PIP5KL1: variants seen among roughly 807,000 people sequenced by gnomAD.
PIP5KL1 encodes phosphatidylinositol-4-phosphate 5-kinase like 1, also known as phosphatidylinositol 4-phosphate 5-kinase-like protein 1.
Under a neutral mutation model 47.6 loss-of-function variants are expected in PIP5KL1, and 45 were observed. That is an observed-to-expected ratio of 0.94 (90% CI 0.74 to 1.21). The LOEUF is 1.21. Among genes scored for constraint, PIP5KL1 ranks in the 50% most tolerant of loss-of-function variants. The pLI, the probability that PIP5KL1 is intolerant of heterozygous loss-of-function variation, is 0.00. For missense variants in PIP5KL1, 577 were observed against 547.6 expected, an observed-to-expected ratio of 1.05 and a Z score of -0.54; for synonymous variants, 256 against 234.6, an observed-to-expected ratio of 1.09 and a Z score of -0.84.
chr9:127,924,563 G>A (rs1164941566), intron 9 of PIP5KL1, among the ~76,000 whole-genome samples: 5 of 151,098 alleles, frequency 3.3e-5, no homozygotes, highest in Non-Finnish European at 4.4e-5. Flanking sequence ...GGATGAGGCA[G>A]GAGAATCGCT....
At position 127,921,965 on chromosome 9, in the gene PIP5KL1, C is replaced by T; in HGVS notation, c.1067G>A (p.Arg356His). ...CTTCCACAGGTGCTCCAGCCGCTTG[C>T]GGAGCCCGTAGACTGTGGCGAGATC... The part of the protein sequence containing the change: ...VVDLATVYGL[R>H]KRLEHLWKTL... The change falls in exon 10 of 10, where the codon CGC (arginine) becomes CAC (histidine). Residue 356 changes from arginine to histidine, a missense_variant. Coordinates refer to ENST00000388747, the MANE Select transcript of PIP5KL1 (RefSeq NM_001135219.2). The T allele has an allele frequency of 1.3e-6, 2 of 1,576,428 alleles. No homozygotes were observed. Among genetic ancestry groups the T allele is most frequent in the East Asian group, 2.4e-5 (1 of 42,430 alleles).
chr9:127,924,605 G>A (rs995816551), intron 9 of PIP5KL1, among the ~76,000 whole-genome samples: 8 of 148,056 alleles, frequency 5.4e-5, no homozygotes, highest in African/African-American at 1.0e-4. Flanking sequence ...GCAGTGAGCC[G>A]AGAGGGCACC....
In PIP5KL1 at chr9:127,928,103, G is replaced by A. The variant is rs1368556885; in HGVS notation, c.396C>T (p.Phe132=). Residue 132 remains phenylalanine (F), a synonymous_variant, in exon 4 of 10, where the codon TTC becomes TTT. Transcript: ENST00000388747. ...ALGPGGPYLQ[F]LSTSKSKASF... Reference sequence around the variant, plus strand: ...TGGCCTTGCTCTTGGAGGTGCTGAGGAACTGCAGGTAGGGGCCGCCGGGGC... The same window carrying A: ...TGGCCTTGCTCTTGGAGGTGCTGAGAAACTGCAGGTAGGGGCCGCCGGGGC... 10 of 1,573,574 alleles carry A rather than the reference G, an allele frequency of 6.4e-6. No homozygotes were observed. Among genetic ancestry groups the A allele is most frequent in the Non-Finnish European group, 8.6e-6 (10 of 1,161,358 alleles).
At position 127,927,006 on chromosome 9, in the gene PIP5KL1, G is replaced by T; in HGVS notation, c.650+147C>A. On this transcript the variant is annotated intron_variant, in intron 7 of 9. Coordinates refer to ENST00000388747, the MANE Select transcript of PIP5KL1 (RefSeq NM_001135219.2). This position sits in a 1 kb window ranked among gnomAD's most constrained non-coding sequence, Gnocchi z 5.5. ...TGAGTGCTCCAGAGATGCTGGGTGT[G>T]GGCGTCACTGTCTCTGACCCACCAG... is the stretch of plus-strand genomic sequence containing the variant. 2 of 922,118 alleles carry T rather than the reference G, an allele frequency of 2.2e-6. No individual in the cohort carries two copies. Among genetic ancestry groups the T allele is most frequent in the Non-Finnish European group, 3.2e-6 (2 of 621,648 alleles). The allele number at this position is 922,118 out of a possible 1,614,324, so 57.1% of individuals were successfully genotyped here.
Position 127,921,803 on chromosome 9 carries a change from C to G in PIP5KL1, c.*44G>C. 6.5e-7 allele frequency: 1 copy of G among 1,534,572 alleles called. No homozygotes were observed. Among genetic ancestry groups the G allele is most frequent in the East Asian group, 2.4e-5 (1 of 41,684 alleles). ...GGCCCGGGGGAACCGGCGTTCCTGG[C>G]GTGAGCCCATCGTCCAGATCCGGAG... On this transcript the variant is annotated 3_prime_UTR_variant, in exon 10 of 10. Coordinates refer to ENST00000388747, the MANE Select transcript of PIP5KL1 (RefSeq NM_001135219.2).
In PIP5KL1 at chr9:127,921,776, C is replaced by T; in HGVS notation, c.*71G>A. On this transcript the variant is annotated 3_prime_UTR_variant, in exon 10 of 10. Transcript: ENST00000388747. ...CAGGAGGAAGCGCAGGCGAGATGCC[C>T]GGGCCCGGGGGAACCGGCGTTCCTG... is the stretch of plus-strand genomic sequence containing the variant. 1 of 1,483,650 alleles carries T rather than the reference C, an allele frequency of 6.7e-7. No individual in the cohort carries two copies. Among genetic ancestry groups the T allele is most frequent in the Non-Finnish European group, 8.9e-7 (1 of 1,117,588 alleles). The allele number at this position is 1,483,650 out of a possible 1,614,324, so 91.9% of individuals were successfully genotyped here.
chr9:127,929,899 G>A lies in PIP5KL1; in HGVS notation c.31-14C>T, dbSNP rs1483457726. ...GGGGGCCAGGACCTGGTGGGAGGAG[G>A]CACAGGACACAGCCTGTGGCAGCGT... On this transcript the variant is annotated splice_polypyrimidine_tract_variant and intron_variant, in intron 1 of 9. Coordinates refer to ENST00000388747, the MANE Select transcript of PIP5KL1 (RefSeq NM_001135219.2). The surrounding 1 kb of genome is among the most constrained non-coding windows in gnomAD (Gnocchi z 4.0). The A allele has an allele frequency of 2.6e-6, 4 of 1,511,918 alleles. 1 individual carries two copies. In the South Asian group the frequency reaches 3.6e-5, roughly 14 times the overall value. The allele number at this position is 1,511,918 out of a possible 1,614,324, so 93.7% of individuals were successfully genotyped here.
In PIP5KL1 at chr9:127,922,707, A is replaced by AAAAG. The variant is rs1554720842; in HGVS notation, c.918-594_918-593insCTTT. 8.1e-3 allele frequency among the ~76,000 whole-genome samples: 1,169 copies of AAAAG among 143,672 alleles called. 16 individuals carry two copies. Among genetic ancestry groups the AAAAG allele is most frequent in the Non-Finnish European group, 0.012 (832 of 67,222 alleles). The allele number at this position is 143,672 out of a possible 152,430, so 94.3% of individuals were successfully genotyped here. A position where few individuals can be genotyped will look rare whatever the true frequency, so the allele number is the denominator to read the frequency against. ...GAGACTCTGTCTCAAAAAAAAAAAAAAAAAGAAAAAAGAAAAAGAAAAAAG... is the reference window on the plus strand; with the variant it reads ...GAGACTCTGTCTCAAAAAAAAAAAAAAAAGAAAAGAAAAAAGAAAAAGAAAAAAG... On this transcript the variant is annotated intron_variant, in intron 9 of 9. Transcript: ENST00000388747.
At chr9:127,924,263 G>A (rs562128130) in intron 9 of PIP5KL1, among the ~76,000 whole-genome samples, 8 of 152,178 alleles carry the variant, frequency 5.3e-5, no homozygotes, top group Admixed American at 2.6e-4. Context: ...GCCGAGGCGG[G>A]TGGATCACTT....
At position 127,927,399 on chromosome 9, in the gene PIP5KL1, TC is replaced by T. The variant is rs1831378834; in HGVS notation, c.560-69del. The T allele has an allele frequency of 6.5e-7, 1 of 1,540,106 alleles. No homozygotes were observed. The highest frequency in any genetic ancestry group is 8.7e-7 in the Non-Finnish European group (1 of 1,147,080). ...CAACCCGGGGTGCATCCGGCGCCAA[TC>T]CCAGCGCCAGGCCACGCCTCCTTCT... On this transcript the variant is annotated intron_variant, in intron 5 of 9. Transcript: ENST00000388747. This position sits in a 1 kb window ranked among gnomAD's most constrained non-coding sequence, Gnocchi z 5.5.
Position 127,929,833 on chromosome 9 carries a change from C to G in PIP5KL1, c.83G>C (p.Arg28Pro), listed in dbSNP as rs755255034. 1 of 1,547,606 alleles carries G rather than the reference C, an allele frequency of 6.5e-7. No homozygotes were observed. Among genetic ancestry groups the G allele is most frequent in the East Asian group, 2.4e-5 (1 of 40,920 alleles). ...GTCTCGGAGGCGCCAGAGAAGCCCC[C>G]GCCGGCTGGAGGTGACTGCTCTGCA... ...AGCRAVTSSR[R>P]GLLWRLRDKQ... Residue 28 changes from arginine to proline, a missense_variant, in exon 2 of 10, where the codon CGG becomes CCG. Transcript: ENST00000388747. This position sits in a 1 kb window ranked among gnomAD's most constrained non-coding sequence, Gnocchi z 4.0.
In PIP5KL1 at chr9:127,921,791, C is replaced by G; in HGVS notation, c.*56G>C. 1 of 1,507,410 alleles carries G rather than the reference C, an allele frequency of 6.6e-7. No homozygotes were observed. The highest frequency in any genetic ancestry group is 8.9e-7 in the Non-Finnish European group (1 of 1,129,158). 93.4% of individuals were successfully genotyped at this position (1,507,410 alleles called of 1,614,324 possible). A position where few individuals can be genotyped will look rare whatever the true frequency, so the allele number is the denominator to read the frequency against. ...GCGAGATGCCCGGGCCCGGGGGAAC[C>G]GGCGTTCCTGGCGTGAGCCCATCGT... On this transcript the variant is annotated 3_prime_UTR_variant, in exon 10 of 10. Coordinates refer to ENST00000388747, the MANE Select transcript of PIP5KL1 (RefSeq NM_001135219.2).
chr9:127,925,013 C>T (rs1409767043), intron 9 of PIP5KL1, 94 bp downstream of exon 9: 4 of 1,500,012 alleles, frequency 2.7e-6, no homozygotes, highest in Non-Finnish European at 3.6e-6. Context: ...ATGTCTTTGG[C>T]TGCACTGCTC....
rs1831274142 is a variant in PIP5KL1 at position 127,921,048 on chromosome 9, G to C, written c.*799C>G. The C allele has an allele frequency of 6.6e-6, 1 of 152,366 alleles. No homozygotes were observed. The highest frequency in any genetic ancestry group is 6.5e-5 in the Admixed American group (1 of 15,286). The allele number at this position is 152,366 out of a possible 1,614,324, so 9.4% of individuals were successfully genotyped here. On this transcript the variant is annotated 3_prime_UTR_variant, in exon 10 of 10. Transcript: ENST00000388747. Reference sequence around the variant, plus strand: ...GCCCGCTTGGGCTTGGGCATGGTCGGATTGAACTGGGGTCAGAGGCCAGGC... The same window carrying C: ...GCCCGCTTGGGCTTGGGCATGGTCGCATTGAACTGGGGTCAGAGGCCAGGC...
rs1444200104 is a variant in PIP5KL1, at chr9:127,927,887, C to G, written c.435-115G>C. The G allele has an allele frequency of 1.3e-6, 2 of 1,494,098 alleles. No homozygotes were observed. Among genetic ancestry groups the G allele is most frequent in the East Asian group, 5.0e-5 (2 of 39,792 alleles). 92.6% of individuals were successfully genotyped at this position (1,494,098 alleles called of 1,614,324 possible). On this transcript the variant is annotated intron_variant, in intron 4 of 9. Transcript: ENST00000388747. This position sits in a 1 kb window ranked among gnomAD's most constrained non-coding sequence, Gnocchi z 5.5. ...GCTCCCAGGTCTCGGCACCGCCTCT[C>G]TCGCCTTCGGCCCTCGCCCTCCTCT...
chr9:127,930,688 T>A (rs1470523686), intron 1 of PIP5KL1, 35 bp downstream of exon 1: 1 of 1,539,608 alleles, frequency 6.5e-7, no homozygotes, highest in Non-Finnish European at 8.7e-7. Flanking sequence ...CCACCAACCC[T>A]TCCCTCTCCT....
Position 127,927,903 on chromosome 9 carries a change from G to T in PIP5KL1, c.435-131C>A. 6.8e-7 allele frequency: 1 copy of T among 1,473,330 alleles called. No homozygotes were observed. Among genetic ancestry groups the T allele is most frequent in the Non-Finnish European group, 9.0e-7 (1 of 1,107,788 alleles). 91.3% of individuals were successfully genotyped at this position (1,473,330 alleles called of 1,614,324 possible). A position where few individuals can be genotyped will look rare whatever the true frequency, so the allele number is the denominator to read the frequency against. Reference sequence around the variant, plus strand: ...ACCGCCTCTCTCGCCTTCGGCCCTCGCCCTCCTCTCCTCCCCGATCTGTCC... The same window carrying T: ...ACCGCCTCTCTCGCCTTCGGCCCTCTCCCTCCTCTCCTCCCCGATCTGTCC... On this transcript the variant is annotated intron_variant, in intron 4 of 9. Coordinates refer to ENST00000388747, the MANE Select transcript of PIP5KL1 (RefSeq NM_001135219.2). This position sits in a 1 kb window ranked among gnomAD's most constrained non-coding sequence, Gnocchi z 5.5.
chr9:127,928,114 AG>A lies in PIP5KL1; in HGVS notation c.384del (p.Tyr129ThrfsTer24). Reference protein sequence around the residue: ...DYQAALGPGGPYLQFLSTSKS... With the variant: ...DYQAALGPGGXYLQFLSTSKS... Reference sequence around the variant, plus strand: ...TTGGAGGTGCTGAGGAACTGCAGGTAGGGGCCGCCGGGGCCCAGGGCAGCCT... The same window carrying A: ...TTGGAGGTGCTGAGGAACTGCAGGTAGGGCCGCCGGGGCCCAGGGCAGCCT... On this transcript the variant is annotated frameshift_variant, in exon 4 of 10. Transcript: ENST00000388747. LOFTEE classifies it high-confidence loss of function. 1 of 1,568,104 alleles carries A rather than the reference AG, an allele frequency of 6.4e-7. No homozygotes were observed.
intron 9 of PIP5KL1, among the ~76,000 whole-genome samples, chr9:127,922,694 C>CAAAAAAAAAAAAAA (rs386416269): frequency 1.1e-5 from 1 of 89,534 alleles, no homozygotes; most frequent in African/African-American, 4.5e-5. Flanking sequence ...GACTCTGTCT[C>CAAAAAAAAAAAAAA]AAAAAAAAAA....
Sources: gnomAD v4.1 joint callset for allele counts (sites outside exome capture counted in the v4.1 genomes callset) on GRCh38, gnomAD v4.1.1 for gene constraint, Gnocchi (gnomAD v3.1) non-coding constraint, MANE v1.5 for transcripts, NCBI Gene and HGNC (gene_info 2026-07-23, HGNC 2026-07-21) for gene names.